Variants in IL26 observed in about 807,000 individuals in gnomAD.
The protein encoded by IL26 is interleukin 26.
In IL26, 23 loss-of-function variants were observed where a neutral mutation model predicts 21.7. The ratio of observed to expected loss-of-function variants is 1.06; its 90% CI spans 0.76 to 1.50. The LOEUF (loss-of-function observed/expected upper bound fraction) is 1.50, where lower values mean the gene tolerates loss of function less well. IL26 is among the 40% of genes most tolerant of loss of function. The pLI is 0.00. For missense variants in IL26, 204 were observed against 196.0 expected (o/e 1.04, Z -0.24); for synonymous variants, 63 against 67.8 (o/e 0.93, Z 0.34).
chr12:68,211,255 G>C (rs567926172), intron 3 of IL26, among the ~76,000 whole-genome samples: 1 of 152,262 alleles, frequency 6.6e-6, no homozygotes, highest in Admixed American at 6.5e-5. Flanking sequence ...TGCTGCAAAT[G>C]ACAGAATTTC....
At chr12:68,214,257 G>A (rs917552260) in intron 3 of IL26, among the ~76,000 whole-genome samples, 5 of 152,134 alleles carry the variant, frequency 3.3e-5, no homozygotes, top group African/African-American at 1.2e-4. Context: ...GCTGACACTT[G>A]TTTGGTAGCC....
intron 3 of IL26, among the ~76,000 whole-genome samples, chr12:68,218,053 C>T (rs572184361): frequency 4.2e-4 from 64 of 152,220 alleles, no homozygotes; most frequent in African/African-American, 1.5e-3. Flanking sequence ...AAAGCTTAAA[C>T]AACAAGATCT....
chr12:68,204,492 A>C (rs1047032845), intron 3 of IL26, among the ~76,000 whole-genome samples: 8 of 152,250 alleles, frequency 5.3e-5, no homozygotes, highest in African/African-American at 1.4e-4. Context: ...AACCAGCCAC[A>C]TTCTGGACAC....
chr12:68,206,458 A>C (rs1868545998), intron 3 of IL26, among the ~76,000 whole-genome samples: 2 of 152,192 alleles, frequency 1.3e-5, no homozygotes, highest in South Asian at 2.1e-4. Flanking sequence ...AAACGTTAAA[A>C]GGCAGTTGCT....
At chr12:68,207,799 G>A (rs986148492) in intron 3 of IL26, among the ~76,000 whole-genome samples, 1 of 152,072 alleles carries the variant, frequency 6.6e-6, no homozygotes, top group African/African-American at 2.4e-5. Context: ...TGTGTGTATA[G>A]GTTTTGATAC....
intron 3 of IL26, among the ~76,000 whole-genome samples, chr12:68,211,040 C>T (rs1031651859): frequency 9.2e-5 from 14 of 152,086 alleles, no homozygotes; most frequent in African/African-American, 3.1e-4. Context: ...GTAACTTCCT[C>T]CCACTGTATT....
chr12:68,216,259 C>G (rs989348662), intron 3 of IL26, among the ~76,000 whole-genome samples: 4 of 151,966 alleles, frequency 2.6e-5, no homozygotes, highest in Non-Finnish European at 4.4e-5. Context: ...CCACTGCACT[C>G]CAGCCTGACA....
intron 3 of IL26, among the ~76,000 whole-genome samples, chr12:68,202,850 C>T (rs550413334): frequency 1.8e-4 from 28 of 152,170 alleles, no homozygotes; most frequent in African/African-American, 6.3e-4. Flanking sequence ...GGGGAGAAGA[C>T]ACAAGAGAGT....
Position 68,222,620 on chromosome 12 carries a change from A to C in IL26, c.363+2529T>G, listed in dbSNP as rs558405747. Among the ~76,000 whole-genome samples, 8 of 152,316 alleles carry C rather than the reference A, an allele frequency of 5.3e-5. No individual in the cohort carries two copies. The South Asian group carries it at 1.7e-3, about 32-fold the overall frequency. ...CCGATCGTGGAAGAAGCCTTGGATC[A>C]GTTTTAAAATATGTCAAGGTTCTGC... On this transcript the variant is annotated intron_variant, in intron 3 of 4. Transcript: ENST00000229134.
At chr12:68,210,064 T>C (rs1436013108) in intron 3 of IL26, among the ~76,000 whole-genome samples, 1 of 152,072 alleles carries the variant, frequency 6.6e-6, no homozygotes, top group Non-Finnish European at 1.5e-5. Flanking sequence ...GTTTCTACTG[T>C]GACCACAGCC....
At chr12:68,203,330 A>T (rs951695104) in intron 3 of IL26, among the ~76,000 whole-genome samples, 1 of 152,262 alleles carries the variant, frequency 6.6e-6, no homozygotes, top group Non-Finnish European at 1.5e-5. Flanking sequence ...AGAAAATGTG[A>T]AAATGCCTAA....
chr12:68,204,196 T>C (rs2120419582), intron 3 of IL26, among the ~76,000 whole-genome samples: 1 of 143,062 alleles, frequency 7.0e-6, no homozygotes, highest in African/African-American at 2.6e-5. Flanking sequence ...CAGGCTGGAG[T>C]GCAGTGGCGC....
intron 3 of IL26, among the ~76,000 whole-genome samples, chr12:68,222,479 A>T (rs1869080678): frequency 1.3e-5 from 2 of 152,234 alleles, no homozygotes; most frequent in African/African-American, 4.8e-5. Context: ...CCAATGCAGC[A>T]TTCATTGCTC....
chr12:68,202,193 A>T lies in IL26; in HGVS notation c.364-110T>A, dbSNP rs1868409093. On this transcript the variant is annotated intron_variant, in intron 3 of 4. Coordinates refer to ENST00000229134, the MANE Select transcript of IL26 (RefSeq NM_018402.2). ...GCAGGTATTATGTGCTGAGCACTAG[A>T]TATGCACTGGCAAAATAAATAATGC... The T allele has an allele frequency of 6.8e-6, 4 of 585,330 alleles. No individual in the cohort carries two copies. In the Admixed American group the frequency reaches 1.4e-4, roughly 21 times the overall value. 36.3% of individuals were successfully genotyped at this position (585,330 alleles called of 1,614,324 possible). A position where few individuals can be genotyped will look rare whatever the true frequency, so the allele number is the denominator to read the frequency against.
Position 68,225,433 on chromosome 12 carries a change from T to C in IL26, c.228+11A>G. On this transcript the variant is annotated intron_variant, in intron 2 of 4. Coordinates refer to ENST00000229134, the MANE Select transcript of IL26 (RefSeq NM_018402.2). The stretch of plus-strand genomic sequence containing the variant: ...TGGAAATGTAAAAAAGAAGAAGACT[T>C]TCTGACTTACCATAAACTGCTTTTT... 6.4e-7 allele frequency: 1 copy of C among 1,568,284 alleles called. No individual in the cohort carries two copies. Among genetic ancestry groups the C allele is most frequent in the Non-Finnish European group, 8.7e-7 (1 of 1,143,826 alleles).
chr12:68,208,477 ATT>A (rs34169624), intron 3 of IL26, among the ~76,000 whole-genome samples: 2 of 120,808 alleles, frequency 1.7e-5, no homozygotes, highest in African/African-American at 7.3e-5. Context: ...GGAAGAAAGC[ATT>A]TTCTTTCTTT....
intron 3 of IL26, among the ~76,000 whole-genome samples, chr12:68,210,043 T>C (rs969139281): frequency 1.3e-5 from 2 of 152,062 alleles, no homozygotes; most frequent in Admixed American, 6.6e-5. Context: ...TTGACCTTAA[T>C]GGCTAAGATG....
At position 68,225,716 on chromosome 12, in the gene IL26, A is replaced by G; in HGVS notation, c.41T>C (p.Val14Ala). The G allele has an allele frequency of 6.2e-7, 1 of 1,613,962 alleles. No homozygotes were observed. Among genetic ancestry groups the G allele is most frequent in the African/African-American group, 1.3e-5 (1 of 75,038 alleles). ...CTTGGCAATGGCAAGAGACAGAGTG[A>G]CTAACAGCAACCCACACCTCAAAAT... ...NFILRCGLLLVTLSLAIAKHK... is the reference protein window; with the variant it reads ...NFILRCGLLLATLSLAIAKHK... The change falls in exon 1 of 5, where the codon GTC (valine) becomes GCC (alanine). Residue 14 changes from valine to alanine, a missense_variant. Coordinates refer to ENST00000229134, the MANE Select transcript of IL26 (RefSeq NM_018402.2).
chr12:68,217,660 G>T (rs1258360256), intron 3 of IL26, among the ~76,000 whole-genome samples: 1 of 152,114 alleles, frequency 6.6e-6, no homozygotes, highest in Non-Finnish European at 1.5e-5. Context: ...ATAATTGTCA[G>T]GGGTTGTTAT....
Sources: gnomAD v4.1 joint callset for allele counts (sites outside exome capture counted in the v4.1 genomes callset) on GRCh38, gnomAD v4.1.1 for gene constraint, MANE v1.5 for transcripts, NCBI Gene and HGNC (gene_info 2026-07-23, HGNC 2026-07-21) for gene names.